CSMD1: variants seen among roughly 807,000 people sequenced by gnomAD.
CSMD1 encodes CUB and Sushi multiple domains 1.
Under a neutral mutation model 417.5 loss-of-function variants are expected in CSMD1, and 213 were observed. The observed-to-expected ratio is 0.51, with a 90% CI of 0.46 to 0.57. The LOEUF (loss-of-function observed/expected upper bound fraction) is 0.57. Among genes scored for constraint, CSMD1 ranks in the 20% least tolerant of loss-of-function variants. The pLI is 0.00. For synonymous variants in CSMD1, 2,862 were observed against 1,736.8 expected, an observed-to-expected ratio of 1.65 and a Z score of -16.11; for missense variants, 6,923 against 4,529.7, an observed-to-expected ratio of 1.53 and a Z score of -15.17.
intron 3 of CSMD1, among the ~76,000 whole-genome samples, chr8:4,101,761 G>C (rs1287365652): frequency 2.0e-5 from 3 of 152,196 alleles, no homozygotes; most frequent in Non-Finnish European, 2.9e-5. Context: ...GAAAGCTTTT[G>C]CTTAGGACAG....
intron 12 of CSMD1, among the ~76,000 whole-genome samples, chr8:3,452,746 G>A (rs529639764): frequency 7.1e-4 from 108 of 152,168 alleles, no homozygotes; most frequent in Middle Eastern, 3.4e-3. Context: ...TTTTTGCATC[G>A]ATGTTCATCA....
At chr8:4,475,000 A>C (rs57242183) in intron 2 of CSMD1, among the ~76,000 whole-genome samples, 21,139 of 151,860 alleles carry the variant, frequency 0.14, 1,735 homozygotes, top group African/African-American at 0.22. Flanking sequence ...GTTTTGGGGG[A>C]GTTGAAAGTT....
rs548076349 is a variant in CSMD1, at chr8:3,800,585, T to C, written c.819-46543A>G. Among the ~76,000 whole-genome samples, 10 of 152,246 alleles carry C rather than the reference T, an allele frequency of 6.6e-5. No homozygotes were observed. In the South Asian group the frequency reaches 1.7e-3, roughly 25 times the overall value. On this transcript the variant is annotated intron_variant, in intron 5 of 69. Coordinates refer to ENST00000635120, the MANE Select transcript of CSMD1 (RefSeq NM_033225.6). ...ATGGTTGTCTCCACCAAAACCAATGTTGAAACTTGATCTCCAATGTGTCAG... is the reference window on the plus strand; with the variant it reads ...ATGGTTGTCTCCACCAAAACCAATGCTGAAACTTGATCTCCAATGTGTCAG...
At chr8:3,290,825 C>T (rs142429863) in intron 25 of CSMD1, among the ~76,000 whole-genome samples, 25 of 147,220 alleles carry the variant, frequency 1.7e-4, no homozygotes, top group East Asian at 1.4e-3. Flanking sequence ...ATTTCTTTCT[C>T]GTGCCTAATT....
At chr8:3,090,859 C>T (rs1744628094) in intron 48 of CSMD1, among the ~76,000 whole-genome samples, 1 of 152,060 alleles carries the variant, frequency 6.6e-6, no homozygotes, top group South Asian at 2.1e-4. Flanking sequence ...GTGGTCAGAT[C>T]CTACTGATGA....
intron 7 of CSMD1, among the ~76,000 whole-genome samples, chr8:3,648,994 G>T (rs765570596): frequency 5.9e-5 from 9 of 151,924 alleles, no homozygotes; most frequent in African/African-American, 1.7e-4. Flanking sequence ...TTCTCTTTGC[G>T]TCCAGCTTTT....
At chr8:3,757,782 G>C (rs141974359) in intron 5 of CSMD1, among the ~76,000 whole-genome samples, 6,384 of 152,052 alleles carry the variant, frequency 0.042, 165 homozygotes, top group African/African-American at 0.062. Flanking sequence ...CTGGGAGGCA[G>C]AGGTTGCAGT....
intron 2 of CSMD1, among the ~76,000 whole-genome samples, chr8:4,464,473 C>A (rs769337005): frequency 1.4e-4 from 22 of 152,152 alleles, no homozygotes; most frequent in Non-Finnish European, 3.1e-4. Flanking sequence ...GGGAAAACCA[C>A]CTAAGTCAAA....
intron 3 of CSMD1, among the ~76,000 whole-genome samples, chr8:4,134,816 T>C (rs146771381): frequency 6.6e-6 from 1 of 152,208 alleles, no homozygotes; most frequent in Non-Finnish European, 1.5e-5. Context: ...ACACAAATTT[T>C]GTCCTTGGCC....
At chr8:4,017,008 A>G (rs1215912269) in intron 4 of CSMD1, among the ~76,000 whole-genome samples, 2 of 152,206 alleles carry the variant, frequency 1.3e-5, no homozygotes, top group Non-Finnish European at 1.5e-5. Flanking sequence ...AAATCATAGA[A>G]GACTTTCAGA....
chr8:4,690,546 ATCGCAC>A (rs1806700753), intron 1 of CSMD1, among the ~76,000 whole-genome samples: 1 of 152,192 alleles, frequency 6.6e-6, no homozygotes, highest in Non-Finnish European at 1.5e-5. Context: ...GTCATGACAC[ATCGCAC>A]TTCAGAAAAA....
At chr8:4,906,213 A>C (rs934591701) in intron 1 of CSMD1, among the ~76,000 whole-genome samples, 2 of 152,236 alleles carry the variant, frequency 1.3e-5, no homozygotes, top group Non-Finnish European at 2.9e-5. Flanking sequence ...CTAGCAGAAG[A>C]AACTATTTGC....
chr8:4,022,794 CA>C (rs1407364011), intron 4 of CSMD1, among the ~76,000 whole-genome samples: 1 of 152,128 alleles, frequency 6.6e-6, no homozygotes, highest in Non-Finnish European at 1.5e-5. Flanking sequence ...ACATATTAAG[CA>C]ATCGTGTAAG....
At chr8:4,100,541 G>A (rs144604454) in intron 3 of CSMD1, among the ~76,000 whole-genome samples, 5 of 152,152 alleles carry the variant, frequency 3.3e-5, no homozygotes, top group South Asian at 4.1e-4. Flanking sequence ...AAGTGTTGAA[G>A]GATCAAATCA....
chr8:3,510,455 C>A (rs964375234), intron 10 of CSMD1, among the ~76,000 whole-genome samples: 1 of 151,788 alleles, frequency 6.6e-6, no homozygotes, highest in Non-Finnish European at 1.5e-5. Context: ...TCAGCCCAGT[C>A]CCCTCACCCT....
At position 3,189,985 on chromosome 8, in the gene CSMD1, A is replaced by G. The variant is rs780159583; in HGVS notation, c.5325T>C (p.Gly1775=). The change falls in exon 34 of 70, where the codon GGT becomes GGC. Residue 1775 remains glycine, a synonymous_variant. Coordinates refer to ENST00000635120, the MANE Select transcript of CSMD1 (RefSeq NM_033225.6). ...FECNPGYLLQ[G]STALHCQSVP... is the part of the protein sequence containing the mutation. ...CGGACTGGCAGTGGAGCGCCGTGGA[A>G]CCCTGAAGCAGGTATCCCGGGTTGC... 1 of 1,598,972 alleles carries G rather than the reference A, an allele frequency of 6.3e-7. No individual in the cohort carries two copies.
At chr8:4,630,895 C>T (rs999012797) in intron 2 of CSMD1, among the ~76,000 whole-genome samples, 1 of 152,176 alleles carries the variant, frequency 6.6e-6, no homozygotes, top group East Asian at 1.9e-4. Flanking sequence ...CTGTGCTGGT[C>T]ATATTTGCTG....
intron 6 of CSMD1, among the ~76,000 whole-genome samples, chr8:3,711,293 G>T (rs1200982390): frequency 6.6e-6 from 1 of 152,134 alleles, no homozygotes; most frequent in East Asian, 1.9e-4. Flanking sequence ...TAGACCACAG[G>T]GATCCTGGCA....
intron 11 of CSMD1, chr8:3,469,059 T>A: frequency 5.3e-6 from 2 of 375,368 alleles, no homozygotes; most frequent in Non-Finnish European, 4.8e-6. Context: ...AATTTTCTTT[T>A]AAAAAATCAA....
Sources: allele counts gnomAD v4.1 joint callset (sites outside exome capture counted in the v4.1 genomes callset), GRCh38; gene constraint gnomAD v4.1.1; transcripts MANE v1.5; gene names NCBI Gene and HGNC (gene_info 2026-07-23, HGNC 2026-07-21).